The following UGT2B4 variants were observed in gnomAD, a reference collection of about 807,000 sequenced individuals.
UGT2B4 encodes the protein UDP-glucuronosyltransferase 2B4.
A neutral mutation model predicts 49.8 loss-of-function variants in UGT2B4; 49 were observed. That is an observed-to-expected ratio of 0.98 (90% CI 0.78 to 1.25). The LOEUF is 1.25. Ranked by LOEUF, UGT2B4 falls within the 50% of genes most tolerant of loss-of-function variation. The pLI, the probability that UGT2B4 is intolerant of heterozygous loss-of-function variation, is 0.00. For synonymous variants in UGT2B4, 246 were observed against 217.7 expected (o/e 1.13, Z -1.14); for missense variants, 729 against 627.7 (o/e 1.16, Z -1.73).
rs111342900 is a variant in UGT2B4, at chr4:69,485,110, C to T, written c.1310+98G>A. 7.3e-4 allele frequency: 1,022 copies of T among 1,402,186 alleles called. 7 individuals carry two copies. In the African/African-American group the frequency reaches 0.013, roughly 17 times the overall value. The allele number at this position is 1,402,186 out of a possible 1,614,324, so 86.9% of individuals were successfully genotyped here. A position where few individuals can be genotyped will look rare whatever the true frequency, so the allele number is the denominator to read the frequency against. On this transcript the variant is annotated intron_variant, in intron 5 of 5. Transcript: ENST00000305107. ...ATTGTTTAAATCACTTAAATTCTTT[C>T]GAAATCAGTCGCTTATAAAAAGGAT...
intron 5 of UGT2B4, among the ~76,000 whole-genome samples, chr4:69,483,162 A>T (rs1490150868): frequency 6.6e-6 from 1 of 152,160 alleles, no homozygotes; most frequent in Non-Finnish European, 1.5e-5. Context: ...AGTGTATTTA[A>T]TATTCAAAAT....
intron 1 of UGT2B4, among the ~76,000 whole-genome samples, chr4:69,511,783 T>G (rs1170147405): frequency 6.6e-6 from 1 of 152,146 alleles, no homozygotes; most frequent in Non-Finnish European, 1.5e-5. Flanking sequence ...TGAAGCCATC[T>G]GGTGCTGGCT....
chr4:69,514,490 T>C (rs184509589), intron 1 of UGT2B4, among the ~76,000 whole-genome samples: 127 of 152,310 alleles, frequency 8.3e-4, no homozygotes, highest in African/African-American at 2.8e-3. Context: ...GAACTTCCAA[T>C]ACTATGTTGT....
At chr4:69,490,598 C>A (rs1021736766) in intron 2 of UGT2B4, among the ~76,000 whole-genome samples, 1 of 152,134 alleles carries the variant, frequency 6.6e-6, no homozygotes, top group Admixed American at 6.6e-5. Context: ...AATTTAAATA[C>A]TTTCAGATTT....
upstream of UGT2B4, among the ~76,000 whole-genome samples, chr4:69,500,771 C>T (rs1349719529): frequency 6.6e-6 from 1 of 152,104 alleles, no homozygotes; most frequent in African/African-American, 2.4e-5. Flanking sequence ...GAATGTGCAA[C>T]TCCAGGTAAC....
chr4:69,497,615 A>T (rs531803279), upstream of UGT2B4, among the ~76,000 whole-genome samples: 3 of 152,346 alleles, frequency 2.0e-5, no homozygotes, highest in East Asian at 5.8e-4. Flanking sequence ...AAACTGCTGC[A>T]ATCTCGTGAT....
chr4:69,482,606 C>CT (rs201619696), intron 5 of UGT2B4, among the ~76,000 whole-genome samples: 1,662 of 150,932 alleles, frequency 0.011, 16 homozygotes, highest in Non-Finnish European at 0.017. Context: ...ATATATACTC[C>CT]TTTTTTTTTC....
chr4:69,515,173 T>G (rs1161178795), intron 1 of UGT2B4, among the ~76,000 whole-genome samples: 2 of 152,216 alleles, frequency 1.3e-5, no homozygotes, highest in Non-Finnish European at 2.9e-5. Flanking sequence ...CAAGTGAACC[T>G]GATAGATATC....
chr4:69,513,314 C>G (rs1281316067), intron 1 of UGT2B4, among the ~76,000 whole-genome samples: 4 of 152,004 alleles, frequency 2.6e-5, no homozygotes, highest in African/African-American at 9.7e-5. Context: ...CTAGCCAGCA[C>G]TCCCCACATC....
chr4:69,520,574 GA>G (rs1728825925), intron 1 of UGT2B4, among the ~76,000 whole-genome samples: 2 of 152,204 alleles, frequency 1.3e-5, no homozygotes, highest in African/African-American at 4.8e-5. Context: ...CTTACTCCCG[GA>G]ACCCAGTCTG....
rs1464325841 is a variant in UGT2B4 at position 69,484,635 on chromosome 4, T to C, written c.1310+573A>G. Reference sequence around the variant, plus strand: ...GTGTTAGCCTAGGGCTAAGGGGTCATGCAGAGTGACTTCTATACCATTATG... The same window carrying C: ...GTGTTAGCCTAGGGCTAAGGGGTCACGCAGAGTGACTTCTATACCATTATG... On this transcript the variant is annotated intron_variant, in intron 5 of 5. Coordinates refer to ENST00000305107, the MANE Select transcript of UGT2B4 (RefSeq NM_021139.3). Among the ~76,000 whole-genome samples, 3 of 152,178 alleles carry C rather than the reference T, an allele frequency of 2.0e-5. No individual in the cohort carries two copies. The East Asian group carries it at 5.8e-4, about 29-fold the overall frequency.
At chr4:69,511,639 TCGC>T (rs1728605734) in intron 1 of UGT2B4, among the ~76,000 whole-genome samples, 1 of 152,156 alleles carries the variant, frequency 6.6e-6, no homozygotes. Flanking sequence ...TCTATTTCTG[TCGC>T]GTGTTTGTCT....
At chr4:69,522,953 C>CT (rs1404113621) in intron 1 of UGT2B4, among the ~76,000 whole-genome samples, 1 of 152,182 alleles carries the variant, frequency 6.6e-6, no homozygotes, top group African/African-American at 2.4e-5. Flanking sequence ...CAGGAAACCA[C>CT]TTTCTTCTCC....
At chr4:69,522,415 A>C (rs1032863692) in intron 1 of UGT2B4, among the ~76,000 whole-genome samples, 1 of 152,238 alleles carries the variant, frequency 6.6e-6, no homozygotes, top group African/African-American at 2.4e-5. Context: ...AGACAATTGC[A>C]ATATAGTGAA....
chr4:69,493,802 T>G lies in UGT2B4; in HGVS notation c.761A>C (p.Asp254Ala), dbSNP rs1315670158. The change falls in exon 2 of 6, where the codon GAC becomes GCC. Residue 254 changes from aspartate (D) to alanine (A), a missense_variant. Transcript: ENST00000305107. ...CCAGTAGTTTCGAATAAGCCATATG[T>G]CAGCTTTTGCCATTGTCTCAGATAA... ...TTLSETMAKA[D>A]IWLIRNYWDF... The G allele has an allele frequency of 1.2e-6, 2 of 1,607,240 alleles. No homozygotes were observed. The highest frequency in any genetic ancestry group is 2.3e-5 in the East Asian group (1 of 44,292).
upstream of UGT2B4, among the ~76,000 whole-genome samples, chr4:69,496,960 A>AAC (rs1553896206): frequency 9.4e-3 from 1,420 of 150,308 alleles, 17 homozygotes; most frequent in African/African-American, 0.024. Flanking sequence ...AAAAAAAAAA[A>AAC]AAAAGTAAAC....
intron 1 of UGT2B4, among the ~76,000 whole-genome samples, chr4:69,514,294 T>C (rs917500329): frequency 6.6e-6 from 1 of 152,090 alleles, no homozygotes. Flanking sequence ...TGTGTCCAAG[T>C]ATTCTCATTG....
chr4:69,520,737 G>T (rs545366778), intron 1 of UGT2B4, among the ~76,000 whole-genome samples: 1 of 152,218 alleles, frequency 6.6e-6, no homozygotes, highest in East Asian at 1.9e-4. Flanking sequence ...GCTAAATGGG[G>T]ACTGAGGATG....
chr4:69,512,560 T>C (rs1487181736), intron 1 of UGT2B4, among the ~76,000 whole-genome samples: 2 of 152,152 alleles, frequency 1.3e-5, no homozygotes, highest in Non-Finnish European at 1.5e-5. Context: ...TGACTTAACG[T>C]GTATATGTCC....
Sources: gnomAD v4.1 joint callset for allele counts (sites outside exome capture counted in the v4.1 genomes callset) on GRCh38, gnomAD v4.1.1 for gene constraint, MANE v1.5 for transcripts, NCBI Gene and HGNC (gene_info 2026-07-23, HGNC 2026-07-21) for gene names.